Variants in GPR158 observed in about 807,000 individuals in gnomAD.
GPR158 encodes the protein metabotropic glycine receptor.
Under a neutral mutation model 78.2 loss-of-function variants are expected in GPR158, and 30 were observed. The observed-to-expected ratio is 0.38, with a 90% confidence interval of 0.29 to 0.52. GPR158 has a LOEUF of 0.52. Among genes scored for constraint, GPR158 ranks in the 20% least tolerant of loss-of-function variants. The pLI is 0.83. For synonymous variants in GPR158, 581 were observed against 591.1 expected (o/e 0.98, Z 0.25); for missense variants, 1,463 against 1,523.5 (o/e 0.96, Z 0.66).
chr10:25,502,638 G>A (rs1205141621), intron 5 of GPR158, among the ~76,000 whole-genome samples: 2 of 152,168 alleles, frequency 1.3e-5, no homozygotes, highest in Non-Finnish European at 2.9e-5. Flanking sequence ...CAAACTAAGA[G>A]GCAGTGAGTT....
chr10:25,441,046 CAT>C (rs1487641232), intron 4 of GPR158, among the ~76,000 whole-genome samples: 1 of 152,094 alleles, frequency 6.6e-6, no homozygotes, highest in Non-Finnish European at 1.5e-5. Flanking sequence ...AAGTTTAAAA[CAT>C]AAAAAAGGCT....
intron 6 of GPR158, among the ~76,000 whole-genome samples, chr10:25,553,548 A>C (rs1408197898): frequency 6.6e-6 from 1 of 152,200 alleles, no homozygotes; most frequent in Non-Finnish European, 1.5e-5. Flanking sequence ...CATCCCATAG[A>C]AATGTGAACA....
At chr10:25,568,402 T>C (rs553825219) in intron 6 of GPR158, among the ~76,000 whole-genome samples, 1 of 152,084 alleles carries the variant, frequency 6.6e-6, no homozygotes, top group Admixed American at 6.5e-5. Flanking sequence ...GAAAAGGAGC[T>C]AGCCAAGAAG....
At chr10:25,249,683 G>A (rs1328557714) in intron 2 of GPR158, among the ~76,000 whole-genome samples, 1 of 151,616 alleles carries the variant, frequency 6.6e-6, no homozygotes, top group Non-Finnish European at 1.5e-5. Flanking sequence ...TGGTGGATAA[G>A]CTTTTTGATG....
At chr10:25,526,136 T>C (rs1836345074) in intron 5 of GPR158, among the ~76,000 whole-genome samples, 1 of 128,740 alleles carries the variant, frequency 7.8e-6, no homozygotes, top group African/African-American at 2.8e-5. Flanking sequence ...AAAAAAGTCA[T>C]AGCAATTCTG....
intron 2 of GPR158, among the ~76,000 whole-genome samples, chr10:25,370,086 C>T (rs1269954661): frequency 6.7e-6 from 1 of 149,028 alleles, no homozygotes; most frequent in Non-Finnish European, 1.5e-5. Flanking sequence ...TGCTAGCGGT[C>T]TATCAATTTT....
At chr10:25,517,308 C>T (rs1224450944) in intron 5 of GPR158, among the ~76,000 whole-genome samples, 1 of 151,758 alleles carries the variant, frequency 6.6e-6, no homozygotes, top group Admixed American at 6.6e-5. Context: ...ACAATCATGT[C>T]GTCTGCAAAC....
At chr10:25,477,137 G>GA (rs1458348658) in intron 5 of GPR158, among the ~76,000 whole-genome samples, 1 of 151,666 alleles carries the variant, frequency 6.6e-6, no homozygotes, top group Non-Finnish European at 1.5e-5. Context: ...TTGCGATGTA[G>GA]AAAAAACCCA....
intron 1 of GPR158, among the ~76,000 whole-genome samples, chr10:25,208,474 T>G (rs1416320461): frequency 2.0e-5 from 3 of 152,180 alleles, no homozygotes; most frequent in Non-Finnish European, 4.4e-5. Context: ...ACATCTTATA[T>G]TGGTATATAT....
chr10:25,372,016 A>G (rs1312091808), intron 2 of GPR158, among the ~76,000 whole-genome samples: 1 of 151,360 alleles, frequency 6.6e-6, no homozygotes, highest in Non-Finnish European at 1.5e-5. Flanking sequence ...ACAAGACAAA[A>G]ACAAACAACC....
intron 4 of GPR158, among the ~76,000 whole-genome samples, chr10:25,425,619 G>C (rs1355333693): frequency 6.6e-6 from 1 of 152,072 alleles, no homozygotes; most frequent in South Asian, 2.1e-4. Flanking sequence ...GGCCCATGGA[G>C]TGGGAGAAAA....
intron 2 of GPR158, among the ~76,000 whole-genome samples, chr10:25,325,550 G>C (rs1855018269): frequency 6.6e-6 from 1 of 151,644 alleles, no homozygotes; most frequent in African/African-American, 2.4e-5. Context: ...CCATTTATTG[G>C]CTACTGTGAA....
chr10:25,470,912 G>A (rs1835490703), intron 5 of GPR158, among the ~76,000 whole-genome samples: 1 of 151,880 alleles, frequency 6.6e-6, no homozygotes, highest in Admixed American at 6.6e-5. Flanking sequence ...TAGCCAGAGG[G>A]ATTTAAAAAT....
chr10:25,254,358 A>G (rs1008008047), intron 2 of GPR158, among the ~76,000 whole-genome samples: 114 of 152,350 alleles, frequency 7.5e-4, no homozygotes, highest in African/African-American at 2.7e-3. Context: ...TTATAAAAAT[A>G]CTGTACGCTG....
intron 2 of GPR158, among the ~76,000 whole-genome samples, chr10:25,309,065 A>G (rs1264821416): frequency 6.6e-6 from 1 of 152,132 alleles, no homozygotes; most frequent in Non-Finnish European, 1.5e-5. Context: ...TGGTGGGTGT[A>G]TACTCAGAAA....
intron 6 of GPR158, among the ~76,000 whole-genome samples, chr10:25,570,275 T>C (rs528783471): frequency 6.4e-4 from 98 of 152,340 alleles, no homozygotes; most frequent in African/African-American, 2.3e-3. Context: ...ATATTATATT[T>C]GGTCAATTTG....
intron 2 of GPR158, among the ~76,000 whole-genome samples, chr10:25,378,544 T>C (rs1041735200): frequency 1.3e-4 from 20 of 152,090 alleles, no homozygotes; most frequent in African/African-American, 4.8e-4. Flanking sequence ...CCTCTTTTCT[T>C]ATGTTATTTG....
At chr10:25,346,823 A>G (rs575503235) in intron 2 of GPR158, among the ~76,000 whole-genome samples, 3 of 152,056 alleles carry the variant, frequency 2.0e-5, no homozygotes, top group South Asian at 2.1e-4. Context: ...GTTTTCTGCT[A>G]TCCTCCAGTA....
intron 4 of GPR158, among the ~76,000 whole-genome samples, chr10:25,432,862 C>A (rs1459455852): frequency 6.6e-6 from 1 of 152,152 alleles, no homozygotes; most frequent in Non-Finnish European, 1.5e-5. Context: ...ACAGGACAAA[C>A]AAGAACTGTA....
Sources: gnomAD v4.1 joint callset for allele counts (sites outside exome capture counted in the v4.1 genomes callset) on GRCh38, gnomAD v4.1.1 for gene constraint, MANE v1.5 for transcripts, NCBI Gene and HGNC (gene_info 2026-07-23, HGNC 2026-07-21) for gene names.